OLFM3: variants seen among roughly 807,000 people sequenced by gnomAD.
The protein encoded by OLFM3 is olfactomedin 3, also known as noelin-3.
OLFM3 carries 20 observed loss-of-function variants against 48.6 expected under a neutral mutation model. That is an observed-to-expected ratio of 0.41 (90% CI 0.29 to 0.60). The LOEUF (loss-of-function observed/expected upper bound fraction) is 0.60. Ranked by LOEUF, OLFM3 falls within the 20% of genes least tolerant of loss-of-function variation. The pLI is 0.28. For missense variants in OLFM3, 437 were observed against 544.3 expected (o/e 0.80, Z 1.96); for synonymous variants, 222 against 198.1 (o/e 1.12, Z -1.01).
intron 1 of OLFM3, among the ~76,000 whole-genome samples, chr1:101,862,265 T>G (rs1361260596): frequency 6.6e-6 from 1 of 152,224 alleles, no homozygotes; most frequent in African/African-American, 2.4e-5. Flanking sequence ...TTTACTGATC[T>G]GATTTCAAAC....
At chr1:101,810,697 T>C (rs1654006806) in intron 4 of OLFM3, among the ~76,000 whole-genome samples, 1 of 151,984 alleles carries the variant, frequency 6.6e-6, no homozygotes, top group Admixed American at 6.6e-5. Context: ...GCATTTTAAT[T>C]TGGCCTTTAT....
intron 2 of OLFM3, among the ~76,000 whole-genome samples, chr1:101,834,393 T>A (rs1381910952): frequency 6.6e-6 from 1 of 152,258 alleles, no homozygotes; most frequent in Non-Finnish European, 1.5e-5. Context: ...AATATTGTCT[T>A]TATTAACAAT....
At chr1:101,879,357 TA>T (rs1408588611) in intron 1 of OLFM3, among the ~76,000 whole-genome samples, 1 of 151,916 alleles carries the variant, frequency 6.6e-6, no homozygotes, top group East Asian at 1.9e-4. Flanking sequence ...CACTATCACA[TA>T]AATGAGAAAT....
At chr1:101,805,924 A>C in intron 5 of OLFM3, 152 bp downstream of exon 5, 1 of 531,488 alleles carries the variant, frequency 1.9e-6, no homozygotes. Flanking sequence ...TCTTTCGTAG[A>C]TATGTTAATA....
chr1:101,827,528 A>T (rs546460792), intron 3 of OLFM3, among the ~76,000 whole-genome samples: 3 of 152,052 alleles, frequency 2.0e-5, no homozygotes, highest in East Asian at 1.9e-4. Flanking sequence ...AAGATTTTTT[A>T]AAAAGTATTC....
At chr1:101,937,501 C>T (rs1386020435) in intron 1 of OLFM3, among the ~76,000 whole-genome samples, 2 of 152,252 alleles carry the variant, frequency 1.3e-5, no homozygotes, top group East Asian at 1.9e-4. Flanking sequence ...TCGTGCTGTA[C>T]TTATGACAGT....
intron 1 of OLFM3, among the ~76,000 whole-genome samples, chr1:101,898,327 A>T (rs1436573576): frequency 6.6e-6 from 1 of 152,224 alleles, no homozygotes; most frequent in Non-Finnish European, 1.5e-5. Flanking sequence ...CTCACCCAAC[A>T]TCATATAACT....
chr1:101,872,202 G>A (rs1053147490), intron 1 of OLFM3, among the ~76,000 whole-genome samples: 8 of 152,052 alleles, frequency 5.3e-5, no homozygotes, highest in African/African-American at 1.9e-4. Flanking sequence ...GGCTATATGT[G>A]CATCAACATA....
At chr1:101,860,052 G>C (rs542869310) in intron 1 of OLFM3, 5 of 152,174 alleles carry the variant, frequency 3.3e-5, no homozygotes, top group African/African-American at 1.2e-4. Context: ...GGAATTAAGT[G>C]AAGTGCTAAT....
intron 1 of OLFM3, among the ~76,000 whole-genome samples, chr1:101,905,523 A>G (rs1247471249): frequency 2.0e-5 from 3 of 152,096 alleles, no homozygotes; most frequent in Non-Finnish European, 2.9e-5. Flanking sequence ...AAAGCCTGCA[A>G]TTTGCTCTGT....
rs543751688 is a variant in OLFM3 at position 101,869,541 on chromosome 1, T to C, written c.70-32516A>G. 8.7e-4 allele frequency among the ~76,000 whole-genome samples: 133 copies of C among 152,246 alleles called. 1 individual carries two copies. Among genetic ancestry groups the C allele is most frequent in the African/African-American group, 3.0e-3 (126 of 41,538 alleles). On this transcript the variant is annotated intron_variant, in intron 1 of 5. Coordinates refer to ENST00000370103, the MANE Select transcript of OLFM3 (RefSeq NM_058170.4). ...TTAGACTTGGACTTTTGGGTTAATG[T>C]TGGAATGAGTTGAGATTTGGGGGAA...
At chr1:101,916,788 G>A (rs909367973) in intron 1 of OLFM3, among the ~76,000 whole-genome samples, 8 of 152,024 alleles carry the variant, frequency 5.3e-5, no homozygotes, top group African/African-American at 1.9e-4. Flanking sequence ...CTGGGTAATT[G>A]GTGTATTATT....
chr1:101,829,927 C>A (rs1183837493), intron 3 of OLFM3, among the ~76,000 whole-genome samples: 1 of 152,040 alleles, frequency 6.6e-6, no homozygotes, highest in Non-Finnish European at 1.5e-5. Context: ...CTCCGCCTCC[C>A]AGGTTCACGC....
intron 4 of OLFM3, among the ~76,000 whole-genome samples, chr1:101,817,819 C>A (rs981800767): frequency 3.9e-5 from 6 of 151,912 alleles, no homozygotes; most frequent in African/African-American, 7.2e-5. Context: ...TAAAGTCTAC[C>A]TATTTAGGTA....
intron 1 of OLFM3, among the ~76,000 whole-genome samples, chr1:101,878,350 C>T (rs933152886): frequency 6.6e-6 from 1 of 151,794 alleles, no homozygotes. Flanking sequence ...TGTGTGGACC[C>T]CATCAGTGCC....
rs901170492 is a variant in OLFM3, at chr1:101,803,889, A to T, written c.*349T>A. 26 of 159,030 alleles carry T rather than the reference A, an allele frequency of 1.6e-4. No individual in the cohort carries two copies. The highest frequency in any genetic ancestry group is 4.1e-4 in the South Asian group (2 of 4,912). The allele number at this position is 159,030 out of a possible 1,614,324, so 9.9% of individuals were successfully genotyped here. On this transcript the variant is annotated 3_prime_UTR_variant, in exon 6 of 6. Coordinates refer to ENST00000370103, the MANE Select transcript of OLFM3 (RefSeq NM_058170.4). ...AAAGACAGTAAAAAATGACAGTTTT[A>T]AAAAAAAAGACATTCGTGCATTTAA...
At chr1:101,929,893 T>C (rs1659394966) in intron 1 of OLFM3, among the ~76,000 whole-genome samples, 2 of 152,026 alleles carry the variant, frequency 1.3e-5, no homozygotes, top group Non-Finnish European at 2.9e-5. Context: ...TTGTAGCATA[T>C]AATAAACTTA....
intron 1 of OLFM3, among the ~76,000 whole-genome samples, chr1:101,966,711 C>T (rs1033068543): frequency 5.9e-5 from 9 of 151,964 alleles, no homozygotes; most frequent in Non-Finnish European, 1.2e-4. Context: ...CTATTTGACA[C>T]TTACCAAAGC....
chr1:101,942,074 G>A (rs1232443234), intron 1 of OLFM3, among the ~76,000 whole-genome samples: 7 of 152,110 alleles, frequency 4.6e-5, no homozygotes. Flanking sequence ...TTAAGTATTT[G>A]GATTCTAATT....
Sources: gnomAD v4.1 joint callset for allele counts (sites outside exome capture counted in the v4.1 genomes callset) on GRCh38, gnomAD v4.1.1 for gene constraint, MANE v1.5 for transcripts, NCBI Gene and HGNC (gene_info 2026-07-23, HGNC 2026-07-21) for gene names.